NELL1: variants seen among roughly 807,000 people sequenced by gnomAD.
The protein encoded by NELL1 is protein kinase C-binding protein NELL1.
In NELL1, 76 loss-of-function variants were observed where a neutral mutation model predicts 107.4. That is an observed-to-expected ratio of 0.71 (90% CI 0.59 to 0.86). NELL1 has a LOEUF of 0.86. Among genes scored for constraint, NELL1 ranks in the 40% least tolerant of loss-of-function variants. NELL1 has a pLI of 0.00. For synonymous variants in NELL1, 353 were observed against 341.2 expected (o/e 1.03, Z -0.38); for missense variants, 1,024 against 1,005.5 (o/e 1.02, Z -0.25).
At chr11:21,234,921 G>A (rs1858163279) in intron 14 of NELL1, among the ~76,000 whole-genome samples, 1 of 152,246 alleles carries the variant, frequency 6.6e-6, no homozygotes, top group Admixed American at 6.5e-5. Flanking sequence ...AAAGGGAGAG[G>A]GAGAGGGAGA....
chr11:21,201,741 C>T (rs2133848892), intron 13 of NELL1, among the ~76,000 whole-genome samples: 1 of 152,294 alleles, frequency 6.6e-6, no homozygotes, highest in Middle Eastern at 3.4e-3. Flanking sequence ...TTTGCCCATT[C>T]AGTATGATGT....
intron 13 of NELL1, among the ~76,000 whole-genome samples, chr11:21,165,728 G>A (rs976148198): frequency 6.9e-6 from 1 of 144,618 alleles, no homozygotes; most frequent in African/African-American, 2.6e-5. Flanking sequence ...ACACTCTGGA[G>A]TACTCTTTAG....
chr11:20,961,825 A>G (rs904316582), intron 12 of NELL1, among the ~76,000 whole-genome samples: 1 of 152,024 alleles, frequency 6.6e-6, no homozygotes, highest in Non-Finnish European at 1.5e-5. Flanking sequence ...AGGGGCCTAG[A>G]ACCAATTCCC....
intron 2 of NELL1, among the ~76,000 whole-genome samples, chr11:20,702,859 C>G (rs1364776487): frequency 6.6e-6 from 1 of 152,052 alleles, no homozygotes; most frequent in Non-Finnish European, 1.5e-5. Context: ...GGGATGAAGC[C>G]CACTTCATCA....
At chr11:20,726,735 G>C (rs1040339991) in intron 2 of NELL1, among the ~76,000 whole-genome samples, 7 of 151,842 alleles carry the variant, frequency 4.6e-5, no homozygotes, top group African/African-American at 1.7e-4. Context: ...TCCTAATGCT[G>C]TCCCTCCCCC....
At chr11:20,709,821 G>A (rs1338699896) in intron 2 of NELL1, among the ~76,000 whole-genome samples, 1 of 151,962 alleles carries the variant, frequency 6.6e-6, no homozygotes, top group African/African-American at 2.4e-5. Flanking sequence ...GATGTAAAAG[G>A]GATTGAGTTC....
rs1221075382 is a variant in NELL1, at chr11:21,573,402, A to G, written c.2375A>G (p.Lys792Arg). 1 of 1,611,212 alleles carries G rather than the reference A, an allele frequency of 6.2e-7. No individual in the cohort carries two copies. The highest frequency in any genetic ancestry group is 8.5e-7 in the Non-Finnish European group (1 of 1,178,464). Residue 792 changes from lysine (K) to arginine (R), a missense_variant, in exon 19 of 20, where the codon AAA (lysine) becomes AGA (arginine). Coordinates refer to ENST00000357134, the MANE Select transcript of NELL1 (RefSeq NM_006157.5). ...TMAGSPCTTCKCKNGRVCCSV... is the reference protein window; with the variant it reads ...TMAGSPCTTCRCKNGRVCCSV... ...GCTGGATCTCCCTGCACAACCTGTA[A>G]ATGCAAGGTAATTGGATGTTCTGCG...
chr11:21,366,935 T>G (rs1488212427), intron 14 of NELL1, among the ~76,000 whole-genome samples: 1 of 152,068 alleles, frequency 6.6e-6, no homozygotes, highest in Non-Finnish European at 1.5e-5. Flanking sequence ...TAGAACTGCT[T>G]TTGTTGAATT....
intron 14 of NELL1, among the ~76,000 whole-genome samples, chr11:21,324,292 C>CT (rs1412685001): frequency 1.4e-4 from 21 of 152,004 alleles, no homozygotes; most frequent in Admixed American, 1.4e-3. Flanking sequence ...GCTTTTGACT[C>CT]TATTTTATTT....
intron 12 of NELL1, among the ~76,000 whole-genome samples, chr11:21,063,960 C>T (rs1483146515): frequency 6.6e-6 from 1 of 152,208 alleles, no homozygotes; most frequent in African/African-American, 2.4e-5. Flanking sequence ...TTGTAATACA[C>T]TGTTCAGTGT....
At chr11:20,761,003 C>G (rs180947777) in intron 2 of NELL1, among the ~76,000 whole-genome samples, 1 of 152,122 alleles carries the variant, frequency 6.6e-6, no homozygotes, top group African/African-American at 2.4e-5. Flanking sequence ...AAAATTAGCT[C>G]TTTTTCATGA....
At chr11:21,372,079 C>G (rs2133754895) in intron 15 of NELL1, among the ~76,000 whole-genome samples, 1 of 151,770 alleles carries the variant, frequency 6.6e-6, no homozygotes. Flanking sequence ...GTGACATTAT[C>G]AACAAATAAA....
chr11:21,225,727 A>G (rs1231172241), intron 13 of NELL1, among the ~76,000 whole-genome samples: 2 of 152,162 alleles, frequency 1.3e-5, no homozygotes, highest in African/African-American at 2.4e-5. Context: ...TGTCGCAGCA[A>G]TATTAGTAGA....
intron 13 of NELL1, among the ~76,000 whole-genome samples, chr11:21,145,392 C>A (rs1420367962): frequency 6.6e-6 from 1 of 152,000 alleles, no homozygotes; most frequent in Non-Finnish European, 1.5e-5. Flanking sequence ...AATGGCTTGG[C>A]AAATAATAGC....
chr11:21,543,713 G>A (rs986549709), intron 16 of NELL1, among the ~76,000 whole-genome samples: 5 of 151,902 alleles, frequency 3.3e-5, no homozygotes, highest in Admixed American at 2.0e-4. Context: ...TTAGCATGTG[G>A]GCTAAATTGG....
intron 15 of NELL1, among the ~76,000 whole-genome samples, chr11:21,492,689 G>T (rs1854857764): frequency 7.3e-6 from 1 of 137,412 alleles, no homozygotes; most frequent in African/African-American, 2.7e-5. Flanking sequence ...GGTGGGAATT[G>T]AACAATGAGA....
intron 13 of NELL1, among the ~76,000 whole-genome samples, chr11:21,117,960 A>G (rs568812954): frequency 1.3e-5 from 2 of 152,158 alleles, no homozygotes; most frequent in South Asian, 2.1e-4. Flanking sequence ...AGGACCAGAA[A>G]CATTTGGCAA....
chr11:21,544,619 C>T (rs1047779426), intron 16 of NELL1, among the ~76,000 whole-genome samples: 3 of 151,886 alleles, frequency 2.0e-5, no homozygotes, highest in Non-Finnish European at 2.9e-5. Flanking sequence ...TTTCTTTACT[C>T]ACTTTATCCT....
Position 21,154,446 on chromosome 11 carries a change from A to T in NELL1, c.1426+40732A>T, listed in dbSNP as rs75477894. Among the ~76,000 whole-genome samples the T allele has an allele frequency of 2.6e-5, 4 of 152,288 alleles. No individual in the cohort carries two copies. The East Asian group carries it at 7.7e-4, about 29-fold the overall frequency. ...AAATCCAATTCCATTCAATCCATTAAACATTTATTAATTGATTATTATCTG... is the reference window on the plus strand; with the variant it reads ...AAATCCAATTCCATTCAATCCATTATACATTTATTAATTGATTATTATCTG... On this transcript the variant is annotated intron_variant, in intron 13 of 19. Coordinates refer to ENST00000357134, the MANE Select transcript of NELL1 (RefSeq NM_006157.5).
Sources: gnomAD v4.1 joint callset for allele counts (sites outside exome capture counted in the v4.1 genomes callset) on GRCh38, gnomAD v4.1.1 for gene constraint, MANE v1.5 for transcripts, NCBI Gene and HGNC (gene_info 2026-07-23, HGNC 2026-07-21) for gene names.